RALGAPA2: variants seen among roughly 807,000 people sequenced by gnomAD.
The protein encoded by RALGAPA2 is Ral GTPase activating protein catalytic subunit alpha 2, also known as ral GTPase-activating protein subunit alpha-2.
A neutral mutation model predicts 230.4 loss-of-function variants in RALGAPA2; 139 were observed. That is an observed-to-expected ratio of 0.60 (90% CI 0.53 to 0.69). The LOEUF is 0.69. Among genes scored for constraint, RALGAPA2 ranks in the 30% least tolerant of loss-of-function variants. The probability of loss-of-function intolerance (pLI) is 0.00; values close to 1 mark genes in which losing one functional copy is unlikely to be tolerated. For missense variants in RALGAPA2, 2,163 were observed against 2,276.0 expected (o/e 0.95, Z 1.01); for synonymous variants, 847 against 837.8 (o/e 1.01, Z -0.19).
intron 37 of RALGAPA2, among the ~76,000 whole-genome samples, chr20:20,467,534 C>T (rs1297766851): frequency 6.6e-6 from 1 of 152,152 alleles, no homozygotes; most frequent in East Asian, 1.9e-4. Flanking sequence ...ACACGTGGCC[C>T]TGCAGTCTGG....
intron 24 of RALGAPA2, among the ~76,000 whole-genome samples, chr20:20,544,316 G>A (rs1251196363): frequency 6.6e-6 from 1 of 150,654 alleles, no homozygotes; most frequent in Non-Finnish European, 1.5e-5. Context: ...CAGCTACTGG[G>A]TGACAGAGCA....
intron 8 of RALGAPA2, among the ~76,000 whole-genome samples, chr20:20,636,055 GA>G (rs1482326446): frequency 2.0e-5 from 3 of 152,108 alleles, no homozygotes; most frequent in Non-Finnish European, 4.4e-5. Flanking sequence ...TAAATCCACT[GA>G]ACTTTAGAGG....
intron 10 of RALGAPA2, among the ~76,000 whole-genome samples, chr20:20,628,795 C>T (rs1223563344): frequency 6.6e-6 from 1 of 152,182 alleles, no homozygotes; most frequent in Non-Finnish European, 1.5e-5. Context: ...GGGCTTCTGA[C>T]CTCTTCTGTC....
rs1217856238 is a variant in RALGAPA2 at position 20,472,869 on chromosome 20, T to C, written c.5455A>G (p.Ser1819Gly). Residue 1819 changes from serine (S) to glycine (G), a missense_variant, in exon 37 of 40, where the codon AGC (serine) becomes GGC (glycine). Ser to Gly is a moderately conservative substitution (Grantham distance 56). Coordinates refer to ENST00000202677, the MANE Select transcript of RALGAPA2 (RefSeq NM_020343.4). ...SLVCATCINASRAVKCLIPLY... is the reference protein window; with the variant it reads ...SLVCATCINAGRAVKCLIPLY... Reference sequence around the variant, plus strand: ...GGGATGAGGCACTTCACAGCCCTGCTGGCGTTGATGCACGTGGCACATACA... The same window carrying C: ...GGGATGAGGCACTTCACAGCCCTGCCGGCGTTGATGCACGTGGCACATACA... 2 of 1,613,680 alleles carry C rather than the reference T, an allele frequency of 1.2e-6. No individual in the cohort carries two copies. Among genetic ancestry groups the C allele is most frequent in the East Asian group, 2.2e-5 (1 of 44,874 alleles).
intron 37 of RALGAPA2, among the ~76,000 whole-genome samples, chr20:20,458,755 CACCTATATATATATAG>C (rs1569417937): frequency 9.4e-3 from 11 of 1,176 alleles, no homozygotes; most frequent in African/African-American, 0.031. Context: ...TATACATACA[CACCTATATATATATAG>C]ACCTATATAT....
chr20:20,638,299 G>T (rs887992347), intron 7 of RALGAPA2, among the ~76,000 whole-genome samples: 8 of 152,100 alleles, frequency 5.3e-5, no homozygotes, highest in African/African-American at 1.9e-4. Context: ...TCTAAAGCAG[G>T]GCTTCCCAAC....
At chr20:20,677,628 CATTTTTTTTTTTT>C (rs1359452071) in intron 2 of RALGAPA2, among the ~76,000 whole-genome samples, 2 of 121,840 alleles carry the variant, frequency 1.6e-5, no homozygotes, top group African/African-American at 6.8e-5. Context: ...TGATTTGACC[CATTTTTTTTTTTT>C]TTTTTTTTTT....
intron 36 of RALGAPA2, among the ~76,000 whole-genome samples, chr20:20,475,397 T>C (rs2061628451): frequency 6.6e-6 from 1 of 152,198 alleles, no homozygotes. Flanking sequence ...AACTCAAGGT[T>C]CATTTAACAT....
chr20:20,702,242 GACA>G (rs1414271566), intron 1 of RALGAPA2, among the ~76,000 whole-genome samples: 1 of 152,154 alleles, frequency 6.6e-6, no homozygotes, highest in Non-Finnish European at 1.5e-5. Flanking sequence ...TGGCAGGATG[GACA>G]ACACCATCCA....
At chr20:20,584,698 T>C (rs1291076476) in intron 19 of RALGAPA2, among the ~76,000 whole-genome samples, 167 bp downstream of exon 19, 2 of 152,168 alleles carry the variant, frequency 1.3e-5, no homozygotes, top group African/African-American at 4.8e-5. Flanking sequence ...GAGGATCACC[T>C]GAGCCCAGGG....
chr20:20,400,917 G>A (rs1159175270), intron 38 of RALGAPA2, among the ~76,000 whole-genome samples: 3 of 152,228 alleles, frequency 2.0e-5, no homozygotes, highest in Non-Finnish European at 4.4e-5. Context: ...AAAGAAAGAA[G>A]TCAGCCACCA....
At chr20:20,585,903 A>C (rs186302540) in intron 18 of RALGAPA2, among the ~76,000 whole-genome samples, 7 of 152,324 alleles carry the variant, frequency 4.6e-5, no homozygotes, top group Admixed American at 2.0e-4. Flanking sequence ...AATGTTGACC[A>C]TGGCAAAACT....
chr20:20,503,648 G>A, intron 34 of RALGAPA2, 142 bp from the exon 35 acceptor site: 2 of 636,076 alleles, frequency 3.1e-6, no homozygotes, highest in South Asian at 1.0e-4. Context: ...GTAATACAAA[G>A]TTAGACCAGA....
At chr20:20,591,079 A>G in intron 17 of RALGAPA2, 98 bp downstream of exon 17, 2 of 1,327,176 alleles carry the variant, frequency 1.5e-6, no homozygotes, top group East Asian at 4.9e-5. Context: ...CTTGAAATAA[A>G]TATATTCAGA....
At chr20:20,694,776 C>G (rs2069046898) in intron 1 of RALGAPA2, among the ~76,000 whole-genome samples, 1 of 152,122 alleles carries the variant, frequency 6.6e-6, no homozygotes, top group African/African-American at 2.4e-5. Flanking sequence ...GTAAGCGAGG[C>G]AGGTGCAGGG....
chr20:20,591,687 C>A (rs979674518), intron 16 of RALGAPA2, among the ~76,000 whole-genome samples: 1 of 149,202 alleles, frequency 6.7e-6, no homozygotes, highest in Non-Finnish European at 1.5e-5. Flanking sequence ...CAGAAAACCA[C>A]ACACACACAC....
chr20:20,466,924 A>G (rs2061432342), intron 37 of RALGAPA2, among the ~76,000 whole-genome samples: 1 of 152,198 alleles, frequency 6.6e-6, no homozygotes, highest in African/African-American at 2.4e-5. Flanking sequence ...CTGTTGAGAT[A>G]ATCCTAATGT....
intron 1 of RALGAPA2, among the ~76,000 whole-genome samples, chr20:20,683,207 G>C (rs905254412): frequency 6.6e-6 from 1 of 152,152 alleles, no homozygotes; most frequent in East Asian, 1.9e-4. Flanking sequence ...TGCTCTCCAC[G>C]GCCCTGCCTG....
intron 38 of RALGAPA2, among the ~76,000 whole-genome samples, chr20:20,400,834 C>T (rs1602258859): frequency 1.3e-5 from 2 of 152,194 alleles, no homozygotes; most frequent in African/African-American, 2.4e-5. Context: ...ATCCGTACAG[C>T]AGAATATTTG....
Sources: gnomAD v4.1 joint callset for allele counts (sites outside exome capture counted in the v4.1 genomes callset) on GRCh38, gnomAD v4.1.1 for gene constraint, MANE v1.5 for transcripts, NCBI Gene and HGNC (gene_info 2026-07-23, HGNC 2026-07-21) for gene names.